Variants in CDH23 observed in about 807,000 individuals in gnomAD.
CDH23 encodes the protein cadherin related 23, also known as cadherin-23.
CDH23 carries 189 observed loss-of-function variants against 317.1 expected under a neutral mutation model. The ratio of observed to expected loss-of-function variants is 0.60; its 90% CI spans 0.53 to 0.67. The LOEUF is 0.67. CDH23 is among the 30% of genes least tolerant of loss of function. The pLI is 0.00. For synonymous variants in CDH23, 1,839 were observed against 1,876.8 expected (o/e 0.98, Z 0.52); for missense variants, 4,401 against 4,592.4 (o/e 0.96, Z 1.20).
In CDH23 at chr10:71,624,425, C is replaced by A. The variant is rs77235202; in HGVS notation, c.1134+7032C>A. 8.3e-3 allele frequency among the ~76,000 whole-genome samples: 1,261 copies of A among 152,292 alleles called. 24 individuals are homozygous for A. Among genetic ancestry groups the A allele is most frequent in the African/African-American group, 0.029 (1,214 of 41,542 alleles). ...TGTGTGACCTTGGGGACTTATTTAT[C>A]CTCTGATGCCATTTTCTCATCTGCA... On this transcript the variant is annotated intron_variant, in intron 11 of 69. Coordinates refer to ENST00000224721, the MANE Select transcript of CDH23 (RefSeq NM_022124.6).
At chr10:71,639,367 G>C (rs953953050) in intron 11 of CDH23, among the ~76,000 whole-genome samples, 1 of 152,240 alleles carries the variant, frequency 6.6e-6, no homozygotes, top group Admixed American at 6.5e-5. Context: ...CAAGGGCAGG[G>C]AGGAGGCCTA....
intron 6 of CDH23, among the ~76,000 whole-genome samples, chr10:71,515,166 G>C (rs1050022392): frequency 7.2e-5 from 11 of 152,200 alleles, no homozygotes; most frequent in African/African-American, 2.7e-4. Context: ...GGACCTGCTG[G>C]AGTCTCAGAG....
At chr10:71,625,421 A>AAAAAAC (rs778124827) in intron 11 of CDH23, among the ~76,000 whole-genome samples, 2,321 of 92,140 alleles carry the variant, frequency 0.025, 168 homozygotes, top group South Asian at 0.042. Flanking sequence ...AAAAAAAAAA[A>AAAAAAC]AAATGACAAG....
chr10:71,465,320 G>T (rs1851194783), intron 3 of CDH23, among the ~76,000 whole-genome samples: 1 of 152,242 alleles, frequency 6.6e-6, no homozygotes. Context: ...TGACTCAGCT[G>T]GGGGCAGGCA....
intron 8 of CDH23, among the ~76,000 whole-genome samples, chr10:71,575,208 T>C (rs1858103483): frequency 6.6e-6 from 1 of 152,096 alleles, no homozygotes; most frequent in South Asian, 2.1e-4. Context: ...CTGAATTTGC[T>C]GAAATTCTTT....
chr10:71,631,325 C>T (rs1862005094), intron 11 of CDH23, among the ~76,000 whole-genome samples: 1 of 152,202 alleles, frequency 6.6e-6, no homozygotes, highest in African/African-American at 2.4e-5. Flanking sequence ...AGAAAGGAGA[C>T]TGGGGACTGG....
At chr10:71,578,096 C>A (rs1027194552) in intron 9 of CDH23, 104 bp downstream of exon 9, 1 of 1,111,940 alleles carries the variant, frequency 9.0e-7, no homozygotes, top group Admixed American at 2.0e-5. Context: ...GGTCTGCGGG[C>A]ATGTGGGACA....
At chr10:71,793,710 C>T (rs1452894817) in intron 48 of CDH23, 70 bp downstream of exon 48, 8 of 1,114,604 alleles carry the variant, frequency 7.2e-6, no homozygotes, top group Non-Finnish European at 1.0e-5. Flanking sequence ...CCTGCTTCCC[C>T]CTTCTTTCTC....
chr10:71,463,118 A>G (rs1284013429), intron 3 of CDH23, among the ~76,000 whole-genome samples: 4 of 152,262 alleles, frequency 2.6e-5, no homozygotes, highest in Non-Finnish European at 5.9e-5. Flanking sequence ...TGTCAATGAG[A>G]AAACTGGTAC....
At chr10:71,481,874 T>TG (rs1334491248) in intron 3 of CDH23, among the ~76,000 whole-genome samples, 7 of 152,112 alleles carry the variant, frequency 4.6e-5, no homozygotes, top group Middle Eastern at 3.2e-3. Context: ...CCTACATGGG[T>TG]GACTGAGCCC....
At position 71,566,883 on chromosome 10, in the gene CDH23, C is replaced by T. The variant is rs773118278; in HGVS notation, c.571C>T (p.Arg191Trp). The change falls in exon 7 of 70, where the codon CGG becomes TGG. Residue 191 changes from arginine (R) to tryptophan (W), a missense_variant. Transcript: ENST00000224721. Reference sequence around the variant, plus strand: ...CGCCCGCGGTATCGTCACAGTGATCCGGGAGCTGGACTACGAGACCACACA... The same window carrying T: ...CGCCCGCGGTATCGTCACAGTGATCTGGGAGCTGGACTACGAGACCACACA... ...DSARGIVTVIRELDYETTQAY... is the reference protein window; with the variant it reads ...DSARGIVTVIWELDYETTQAY... 21 of 1,613,760 alleles carry T rather than the reference C, an allele frequency of 1.3e-5. No homozygotes were observed. The Admixed American group carries it at 1.7e-4, about 13-fold the overall frequency.
intron 3 of CDH23, among the ~76,000 whole-genome samples, chr10:71,457,143 TAGGCTGAA>T (rs1449915589): frequency 2.0e-5 from 3 of 152,182 alleles, no homozygotes; most frequent in Non-Finnish European, 4.4e-5. Context: ...TGGGTTTTGA[TAGGCTGAA>T]GCTGGAGGGG....
chr10:71,697,131 C>T (rs1304687151), intron 22 of CDH23, among the ~76,000 whole-genome samples: 6 of 152,330 alleles, frequency 3.9e-5, no homozygotes, highest in African/African-American at 9.6e-5. Context: ...ATAGTACACC[C>T]GGCAGACAAG....
At chr10:71,703,836 G>A (rs988482439) in intron 24 of CDH23, among the ~76,000 whole-genome samples, 2 of 152,234 alleles carry the variant, frequency 1.3e-5, no homozygotes, top group African/African-American at 4.8e-5. Context: ...GTGAGAGCAA[G>A]TCAACCCCCA....
At chr10:71,590,663 G>A (rs901633033) in intron 9 of CDH23, among the ~76,000 whole-genome samples, 3 of 152,152 alleles carry the variant, frequency 2.0e-5, no homozygotes. Flanking sequence ...GGAGCACTTT[G>A]CAAATGAGGA....
At chr10:71,814,709 C>T in intron 69 of CDH23, among the ~76,000 whole-genome samples, 1 of 117,058 alleles carries the variant, frequency 8.5e-6, no homozygotes, top group South Asian at 3.2e-4. Flanking sequence ...TCACAAGAAG[C>T]CGATACACAC....
chr10:71,489,917 C>A (rs1852560151), intron 3 of CDH23, among the ~76,000 whole-genome samples: 1 of 151,884 alleles, frequency 6.6e-6, no homozygotes, highest in Non-Finnish European at 1.5e-5. Flanking sequence ...TCAGAGAGTT[C>A]ATTTTCTTTT....
rs1171434861 is a variant in CDH23, at chr10:71,740,757, A to T, written c.4489-65A>T. 6 of 1,601,856 alleles carry T rather than the reference A, an allele frequency of 3.7e-6. No individual in the cohort carries two copies. The Admixed American group carries it at 1.0e-4, about 27-fold the overall frequency. On this transcript the variant is annotated intron_variant, in intron 36 of 69. Coordinates refer to ENST00000224721, the MANE Select transcript of CDH23 (RefSeq NM_022124.6). ...CCCACTGATTGCACAGCCCTTTTGG[A>T]CTCCATATTCCCAATCCTGCCCGCC...
intron 1 of CDH23, among the ~76,000 whole-genome samples, chr10:71,434,926 G>T (rs1167366749): frequency 6.6e-6 from 1 of 152,226 alleles, no homozygotes; most frequent in Non-Finnish European, 1.5e-5. Context: ...CTTCTTCTTG[G>T]CATGTGCAGC....
Sources: gnomAD v4.1 joint callset for allele counts (sites outside exome capture counted in the v4.1 genomes callset) on GRCh38, gnomAD v4.1.1 for gene constraint, MANE v1.5 for transcripts, NCBI Gene and HGNC (gene_info 2026-07-23, HGNC 2026-07-21) for gene names.